OR51B5: variants seen among roughly 807,000 people sequenced by gnomAD.
The protein encoded by OR51B5 is olfactory receptor family 51 subfamily B member 5, also known as olfactory receptor 51B5.
For synonymous variants in OR51B5, 186 were observed against 144.8 expected (o/e 1.28, Z -2.04); for missense variants, 456 against 374.6 (o/e 1.22, Z -1.79).
chr11:5,504,297 A>T (rs996358473), intron 1 of OR51B5, among the ~76,000 whole-genome samples: 1 of 152,208 alleles, frequency 6.6e-6, no homozygotes, highest in Non-Finnish European at 1.5e-5. Context: ...ATTGTTATCC[A>T]CATCAGCTCT....
chr11:5,366,714 A>T (rs1849375089), intron 1 of OR51B5, among the ~76,000 whole-genome samples: 1 of 145,458 alleles, frequency 6.9e-6, no homozygotes, highest in Non-Finnish European at 1.5e-5. Flanking sequence ...GTAGAGGAGG[A>T]GGAAAGGAAA....
intron 1 of OR51B5, among the ~76,000 whole-genome samples, chr11:5,471,934 T>C (rs928954519): frequency 2.0e-5 from 3 of 152,156 alleles, no homozygotes; most frequent in Admixed American, 6.6e-5. Context: ...AGGAAAGTTG[T>C]GATAAAGAGG....
intron 1 of OR51B5, chr11:5,440,808 C>A (rs137878267): frequency 1.2e-6 from 2 of 1,613,692 alleles, no homozygotes; most frequent in African/African-American, 2.7e-5. Flanking sequence ...TGCCTTGAGC[C>A]GCTGTTCCTG....
intron 1 of OR51B5, among the ~76,000 whole-genome samples, chr11:5,494,816 A>G (rs1590029316): frequency 6.6e-6 from 1 of 152,208 alleles, no homozygotes; most frequent in East Asian, 1.9e-4. Context: ...AAATATTATT[A>G]TTTCAATACA....
At chr11:5,484,487 C>G (rs1267357442) in intron 1 of OR51B5, among the ~76,000 whole-genome samples, 1 of 152,178 alleles carries the variant, frequency 6.6e-6, no homozygotes, top group Non-Finnish European at 1.5e-5. Context: ...TCTCTAGACT[C>G]TGTCGTCCAA....
At chr11:5,370,186 A>G (rs962516116) in intron 1 of OR51B5, among the ~76,000 whole-genome samples, 2 of 152,312 alleles carry the variant, frequency 1.3e-5, no homozygotes, top group Admixed American at 6.5e-5. Context: ...CATAATCATC[A>G]ATGTATTTAT....
chr11:5,351,365 C>T (rs1464616714), intron 1 of OR51B5: 1 of 633,810 alleles, frequency 1.6e-6, no homozygotes, highest in Non-Finnish European at 2.8e-6. Flanking sequence ...CCAGGAATGA[C>T]TAAATTATCA....
chr11:5,391,415 T>A (rs866357838), intron 1 of OR51B5: 1 of 152,234 alleles, frequency 6.6e-6, no homozygotes, highest in Non-Finnish European at 1.5e-5. Flanking sequence ...TGTGCATGTG[T>A]CCATTAGAAT....
intron 1 of OR51B5, among the ~76,000 whole-genome samples, chr11:5,481,918 T>C (rs1289927690): frequency 5.1e-5 from 7 of 137,464 alleles, no homozygotes; most frequent in Non-Finnish European, 9.1e-5. Flanking sequence ...ATCATGAAAA[T>C]GGCCATACTG....
At chr11:5,421,761 A>G (rs1054295610) in intron 1 of OR51B5, among the ~76,000 whole-genome samples, 2 of 152,220 alleles carry the variant, frequency 1.3e-5, no homozygotes, top group Admixed American at 6.5e-5. Flanking sequence ...GTCAAAGGAG[A>G]TATTTGGAAA....
At chr11:5,484,186 C>T (rs917534744) in intron 1 of OR51B5, among the ~76,000 whole-genome samples, 2 of 152,140 alleles carry the variant, frequency 1.3e-5, no homozygotes, top group Non-Finnish European at 2.9e-5. Flanking sequence ...GAACTCACAG[C>T]TAAGTTACTG....
chr11:5,452,614 G>T (rs1444041274), intron 1 of OR51B5, among the ~76,000 whole-genome samples: 2 of 135,082 alleles, frequency 1.5e-5, no homozygotes, highest in Non-Finnish European at 3.2e-5. Context: ...TATGGAGAGA[G>T]TATGTGAATG....
intron 1 of OR51B5, among the ~76,000 whole-genome samples, chr11:5,369,945 T>C (rs1849424823): frequency 6.6e-6 from 1 of 152,178 alleles, no homozygotes; most frequent in Non-Finnish European, 1.5e-5. Context: ...TCAGGATTTT[T>C]ACTCAAGGAA....
intron 1 of OR51B5, among the ~76,000 whole-genome samples, chr11:5,365,988 T>C (rs1335532059): frequency 6.6e-6 from 1 of 152,174 alleles, no homozygotes; most frequent in African/African-American, 2.4e-5. Context: ...GAAGAACTGC[T>C]AGGTGCTGGC....
intron 1 of OR51B5, among the ~76,000 whole-genome samples, chr11:5,435,239 A>T (rs1414912485): frequency 1.3e-5 from 2 of 152,194 alleles, no homozygotes; most frequent in Non-Finnish European, 2.9e-5. Flanking sequence ...TCCCTAAACC[A>T]CTATCCTGGA....
intron 1 of OR51B5, among the ~76,000 whole-genome samples, chr11:5,452,504 C>CAAAAAAAAAAAAAAAAAAAAAAAAAAAAA (rs56677841): frequency 1.4e-5 from 1 of 69,188 alleles, no homozygotes; most frequent in Non-Finnish European, 2.6e-5. Flanking sequence ...GACTCTGTCT[C>CAAAAAAAAAAAAAAAAAAAAAAAAAAAAA]AAAAAAAAAA....
intron 1 of OR51B5, among the ~76,000 whole-genome samples, chr11:5,375,663 A>C (rs1242049157): frequency 2.0e-5 from 3 of 152,158 alleles, no homozygotes; most frequent in Non-Finnish European, 4.4e-5. Flanking sequence ...TTGCAATCCT[A>C]GTCTCTGATA....
chr11:5,492,202 A>T (rs1302787531), intron 1 of OR51B5, among the ~76,000 whole-genome samples: 2 of 151,870 alleles, frequency 1.3e-5, no homozygotes, highest in African/African-American at 4.8e-5. Flanking sequence ...AATTCACCTC[A>T]CCCCACCAAG....
chr11:5,453,633 G>C, intron 1 of OR51B5: 1 of 1,613,798 alleles, frequency 6.2e-7, no homozygotes, highest in Non-Finnish European at 8.5e-7. Context: ...CCTGCAGGCT[G>C]TGCGAGTGGA....
Sources: allele counts gnomAD v4.1 joint callset (sites outside exome capture counted in the v4.1 genomes callset), GRCh38; gene constraint gnomAD v4.1.1; transcripts MANE v1.5; gene names NCBI Gene and HGNC (gene_info 2026-07-23, HGNC 2026-07-21).